The following TTC14 variants were observed in gnomAD, a reference collection of about 807,000 sequenced individuals.
TTC14 encodes the protein tetratricopeptide repeat protein 14.
A neutral mutation model predicts 79.9 loss-of-function variants in TTC14; 63 were observed. That is an observed-to-expected ratio of 0.79 (90% CI 0.64 to 0.97). The LOEUF (loss-of-function observed/expected upper bound fraction) is 0.97, where lower values mean the gene tolerates loss of function less well. Among genes scored for constraint, TTC14 ranks in the 50% least tolerant of loss-of-function variants. TTC14 has a pLI of 0.00. For missense variants in TTC14, 895 were observed against 894.0 expected, an observed-to-expected ratio of 1.00 and a Z score of -0.01; for synonymous variants, 335 against 309.6, an observed-to-expected ratio of 1.08 and a Z score of -0.86.
Position 180,606,584 on chromosome 3 carries a change from C to T in TTC14, c.1153C>T (p.Leu385Phe), listed in dbSNP as rs1372764242. 2 of 1,613,704 alleles carry T rather than the reference C, an allele frequency of 1.2e-6. No homozygotes were observed. The highest frequency in any genetic ancestry group is 8.5e-7 in the Non-Finnish European group (1 of 1,179,830). Reference protein sequence around the residue: ...RNARKYLCQTLVERGGQLEEE... With the variant: ...RNARKYLCQTFVERGGQLEEE... ...TGCAAGAAAATACCTCTGCCAGACA[C>T]TTGTAGAGAGAGGAGGACAGTAAGT... Residue 385 changes from leucine to phenylalanine, a missense_variant, in exon 9 of 12, where the codon CTT (leucine) becomes TTT (phenylalanine). By Grantham distance (22) the Leu-to-Phe change is conservative (BLOSUM62 0). Transcript: ENST00000296015.
rs1184796108 is a variant in TTC14, at chr3:180,602,407, A to G, written c.146A>G (p.His49Arg). The change falls in exon 1 of 12, where the codon CAC becomes CGC. Residue 49 changes from histidine to arginine, a missense_variant. By Grantham distance (29) the His-to-Arg change is conservative. Coordinates refer to ENST00000296015, the MANE Select transcript of TTC14 (RefSeq NM_133462.4). ...CCAGCCCGGGGCCCGCCGCCCCAGC[A>G]CCCGTTGCAGGGCAGGTAATGAGAC... The part of the protein sequence containing the change: ...AEPARGPPPQ[H>R]PLQGRKEKRV... 3 of 1,606,000 alleles carry G rather than the reference A, an allele frequency of 1.9e-6. No individual in the cohort carries two copies. The highest frequency in any genetic ancestry group is 2.7e-5 in the African/African-American group (2 of 74,832).
At chr3:180,611,476 C>T (rs1391788456), downstream of TTC14, among the ~76,000 whole-genome samples, 3 of 152,176 alleles carry the variant, frequency 2.0e-5, no homozygotes, top group Non-Finnish European at 4.4e-5. Context: ...CTTCTTACCA[C>T]CTCCTGTGCC....
rs1020787012 is a variant in TTC14 at position 180,610,715 on chromosome 3, C to A, written c.*173C>A. 3.7e-6 allele frequency: 5 copies of A among 1,338,866 alleles called. No individual in the cohort carries two copies. The Middle Eastern group carries it at 1.1e-3, about 303-fold the overall frequency. The allele number at this position is 1,338,866 out of a possible 1,614,324, so 82.9% of individuals were successfully genotyped here. ...TCAAATTTTGTTTCAGTTCTAGGTC[C>A]CTTGTCACAGCTTGGTTTTTAGACT... On this transcript the variant is annotated 3_prime_UTR_variant, in exon 12 of 12. Transcript: ENST00000296015.
Position 180,603,858 on chromosome 3 carries a change from A to AG in TTC14, c.487-365dup, listed in dbSNP as rs1016778735. 6 of 253,614 alleles carry AG rather than the reference A, an allele frequency of 2.4e-5. No individual in the cohort carries two copies. In the Admixed American group the frequency reaches 3.1e-4, roughly 13 times the overall value. 15.7% of individuals were successfully genotyped at this position (253,614 alleles called of 1,614,324 possible). On this transcript the variant is annotated intron_variant, in intron 3 of 11. Coordinates refer to ENST00000296015, the MANE Select transcript of TTC14 (RefSeq NM_133462.4). The stretch of plus-strand genomic sequence containing the variant: ...GCAGATAAAAAGGAAGAAAAGCAGA[A>AG]GGTATTACAGATTGGATAACAGACA...
At chr3:180,614,943 T>C (rs1717172932), downstream of TTC14, 11 of 1,565,368 alleles carry the variant, frequency 7.0e-6, no homozygotes, top group South Asian at 1.2e-5. Flanking sequence ...CTTTTTGCTC[T>C]TAACATTACT....
At position 180,610,291 on chromosome 3, in the gene TTC14, T is replaced by TA; in HGVS notation, c.2063dup (p.Tyr688Ter). ...SWKSVEKYKK[Y>*]AHSGSRDFSR... ...GAAGTCAGTTGAGAAATACAAAAAA[T>TA]ACGCTCACTCTGGATCACGTGATTT... The change falls in exon 12 of 12, where the codon TAC becomes TAAC. Residue 688 changes from tyrosine (Y) to a stop codon, truncating the protein, a stop_gained and frameshift_variant. Coordinates refer to ENST00000296015, the MANE Select transcript of TTC14 (RefSeq NM_133462.4). LOFTEE classifies it high-confidence loss of function. 10 of 1,613,590 alleles carry TA rather than the reference T, an allele frequency of 6.2e-6. No homozygotes were observed. The highest frequency in any genetic ancestry group is 8.5e-6 in the Non-Finnish European group (10 of 1,179,838).
intron 6 of TTC14, 90 bp downstream of exon 6, chr3:180,605,097 C>T (rs1716602833): frequency 5.3e-6 from 7 of 1,311,996 alleles, no homozygotes; most frequent in Non-Finnish European, 6.2e-6. Context: ...TTTTACCATC[C>T]TAAGCCACCT....
chr3:180,609,476 T>C (rs1263903671), intron 11 of TTC14, 154 bp from the exon 12 acceptor site: 1 of 1,319,482 alleles, frequency 7.6e-7, no homozygotes, highest in Non-Finnish European at 9.6e-7. Context: ...TGCTTAATAG[T>C]AAAATTAGAT....
At position 180,607,725 on chromosome 3, in the gene TTC14, A is replaced by G; in HGVS notation, c.1250A>G (p.Asp417Gly). ...KALALDETFK[D>G]AEDALQKLHK... ...TTGGCTTTGGATGAGACTTTTAAAG[A>G]TGCAGAGGATGCTTTGCAGAAACTT... The change falls in exon 10 of 12, where the codon GAT (aspartate) becomes GGT (glycine). Residue 417 changes from aspartate to glycine, a missense_variant. Asp to Gly is a moderately conservative substitution (Grantham distance 94, BLOSUM62 -1). Coordinates refer to ENST00000296015, the MANE Select transcript of TTC14 (RefSeq NM_133462.4). The G allele has an allele frequency of 1.2e-6, 2 of 1,612,236 alleles. No individual in the cohort carries two copies. The highest frequency in any genetic ancestry group is 1.7e-6 in the Non-Finnish European group (2 of 1,179,208).
intron 12 of TTC14, chr3:180,616,440 C>T (rs779030508): frequency 3.2e-4 from 476 of 1,500,136 alleles, no homozygotes; most frequent in Non-Finnish European, 4.1e-4. Context: ...TTAGCTTTCA[C>T]TTCATGATGA....
Position 180,610,496 on chromosome 3 carries a change from A to G in TTC14, c.2267A>G (p.Gln756Arg). The change falls in exon 12 of 12, where the codon CAG (glutamine) becomes CGG (arginine). Residue 756 changes from glutamine (Q) to arginine (R), a missense_variant. Physicochemically the swap from Gln to Arg is conservative, Grantham distance 43. Transcript: ENST00000296015. The stretch of plus-strand genomic sequence containing the variant: ...CAGAATTTACTGAATATATTTAATC[A>G]GATAGCTGAATTTGAAAAAGAAAAA... ...LPQNLLNIFNQIAEFEKEKGN... is the reference protein window; with the variant it reads ...LPQNLLNIFNRIAEFEKEKGN... The G allele has an allele frequency of 6.3e-7, 1 of 1,585,652 alleles. No individual in the cohort carries two copies. The highest frequency in any genetic ancestry group is 8.5e-7 in the Non-Finnish European group (1 of 1,171,488).
chr3:180,610,882 G>C lies in TTC14; in HGVS notation c.*340G>C, dbSNP rs1454473636. 3 of 988,292 alleles carry C rather than the reference G, an allele frequency of 3.0e-6. No individual in the cohort carries two copies. The African/African-American group carries it at 5.2e-5, about 17-fold the overall frequency. 61.2% of individuals were successfully genotyped at this position (988,292 alleles called of 1,614,324 possible). On this transcript the variant is annotated 3_prime_UTR_variant, in exon 12 of 12. Coordinates refer to ENST00000296015, the MANE Select transcript of TTC14 (RefSeq NM_133462.4). ...GGGTGCATCTTATTCTGCTGTTTGA[G>C]AGAAAAATTTGTGCATTGAACACTT...
chr3:180,612,136 C>G (rs1031168905), downstream of TTC14, among the ~76,000 whole-genome samples: 1 of 152,116 alleles, frequency 6.6e-6, no homozygotes, highest in African/African-American at 2.4e-5. Flanking sequence ...ATTAATAGCT[C>G]CAGTATCATC....
chr3:180,609,620 T>G lies in TTC14; in HGVS notation c.1401-10T>G. 4 of 1,517,654 alleles carry G rather than the reference T, an allele frequency of 2.6e-6. No homozygotes were observed. The highest frequency in any genetic ancestry group is 3.5e-6 in the Non-Finnish European group (4 of 1,136,974). 94.0% of individuals were successfully genotyped at this position (1,517,654 alleles called of 1,614,324 possible). On this transcript the variant is annotated splice_polypyrimidine_tract_variant and intron_variant, in intron 11 of 11. Transcript: ENST00000296015. ...TTGTATATATATGACAAATGAACTG[T>G]TTTTTTTAGGCTAAAGAAGAAAAGA...
At chr3:180,616,533 G>T in intron 12 of TTC14, 1 of 1,557,790 alleles carries the variant, frequency 6.4e-7, no homozygotes, top group Non-Finnish European at 8.7e-7. Flanking sequence ...AAGTATGTTT[G>T]AAGGATAATA....
chr3:180,613,132 A>T (rs73883901), downstream of TTC14, among the ~76,000 whole-genome samples: 634 of 152,304 alleles, frequency 4.2e-3, 4 homozygotes, highest in African/African-American at 0.015. Flanking sequence ...CGCAAAAGTA[A>T]TTGCAGTTTA....
At chr3:180,606,395 T>C (rs370331470) in intron 8 of TTC14, 23 bp downstream of exon 8, 1 of 1,613,698 alleles carries the variant, frequency 6.2e-7, no homozygotes, top group Non-Finnish European at 8.5e-7. Flanking sequence ...TACATGGATT[T>C]TAAGGAATGT....
intron 10 of TTC14, chr3:180,607,971 A>G: frequency 7.7e-7 from 1 of 1,306,688 alleles, no homozygotes; most frequent in Non-Finnish European, 9.7e-7. Flanking sequence ...TAGCTGTGAG[A>G]AAACTATTAC....
chr3:180,613,982 G>T (rs1453217163), downstream of TTC14: 1 of 378,496 alleles, frequency 2.6e-6, no homozygotes, highest in African/African-American at 2.1e-5. Flanking sequence ...TTTTCCCAAG[G>T]TTTGAAGGAG....
Sources: gnomAD v4.1 joint callset for allele counts (sites outside exome capture counted in the v4.1 genomes callset) on GRCh38, gnomAD v4.1.1 for gene constraint, MANE v1.5 for transcripts, NCBI Gene and HGNC (gene_info 2026-07-23, HGNC 2026-07-21) for gene names.